The following RNF152 variants were observed in gnomAD, a reference collection of about 807,000 sequenced individuals.
The protein encoded by RNF152 is E3 ubiquitin-protein ligase RNF152.
In RNF152, 11 loss-of-function variants were observed where a neutral mutation model predicts 12.7. That is an observed-to-expected ratio of 0.86 (90% confidence interval 0.54 to 1.43). The LOEUF is 1.43. Ranked by LOEUF, RNF152 falls within the 40% of genes most tolerant of loss-of-function variation. The pLI is 0.00. For synonymous variants in RNF152, 113 were observed against 120.3 expected (o/e 0.94, Z 0.40); for missense variants, 255 against 274.8 (o/e 0.93, Z 0.51).
chr18:61,890,906 A>T (rs951302207), intron 1 of RNF152, among the ~76,000 whole-genome samples: 6 of 152,242 alleles, frequency 3.9e-5, no homozygotes, highest in South Asian at 4.1e-4. Flanking sequence ...TTTATGAAGC[A>T]GTGAGCTCCT....
At chr18:61,844,367 T>A (rs1037729292) in intron 1 of RNF152, among the ~76,000 whole-genome samples, 1 of 152,170 alleles carries the variant, frequency 6.6e-6, no homozygotes, top group African/African-American at 2.4e-5. Flanking sequence ...ATATCTTTTA[T>A]AAAATCTCAC....
At chr18:61,865,885 T>C (rs1321489574) in intron 1 of RNF152, among the ~76,000 whole-genome samples, 2 of 152,210 alleles carry the variant, frequency 1.3e-5, no homozygotes, top group Non-Finnish European at 2.9e-5. Context: ...GGAAGGCTAG[T>C]CAGCTGAGTG....
intron 1 of RNF152, among the ~76,000 whole-genome samples, chr18:61,860,941 T>TA (rs923833812): frequency 6.6e-6 from 1 of 152,120 alleles, no homozygotes; most frequent in African/African-American, 2.4e-5. Flanking sequence ...ATTTTACAAA[T>TA]AAAAAAAGCT....
At chr18:61,863,201 G>A (rs1346155236) in intron 1 of RNF152, among the ~76,000 whole-genome samples, 1 of 152,056 alleles carries the variant, frequency 6.6e-6, no homozygotes, top group East Asian at 1.9e-4. Flanking sequence ...TTGGAAGGCC[G>A]AGGCAGGTGG....
intron 1 of RNF152, among the ~76,000 whole-genome samples, chr18:61,832,803 C>T (rs1910009107): frequency 1.3e-5 from 2 of 152,134 alleles, no homozygotes; most frequent in Non-Finnish European, 2.9e-5. Flanking sequence ...TTAGGTCTTG[C>T]CAGATACAAA....
At chr18:61,849,983 T>C (rs1296528357) in intron 1 of RNF152, among the ~76,000 whole-genome samples, 1 of 152,248 alleles carries the variant, frequency 6.6e-6, no homozygotes, top group Non-Finnish European at 1.5e-5. Flanking sequence ...TGTCTAAATA[T>C]GGTTCCTCTT....
chr18:61,866,406 C>T (rs1271478284), intron 1 of RNF152, among the ~76,000 whole-genome samples: 2 of 152,270 alleles, frequency 1.3e-5, no homozygotes, highest in African/African-American at 4.8e-5. Context: ...AACACTACCC[C>T]AAGCTACAGA....
At chr18:61,848,104 T>G (rs1910816477) in intron 1 of RNF152, among the ~76,000 whole-genome samples, 1 of 152,094 alleles carries the variant, frequency 6.6e-6, no homozygotes, top group African/African-American at 2.4e-5. Flanking sequence ...GGGGCTGCAT[T>G]CCCAGCATCT....
chr18:61,879,634 G>T (rs972660672), intron 1 of RNF152, among the ~76,000 whole-genome samples: 3 of 152,152 alleles, frequency 2.0e-5, no homozygotes, highest in Admixed American at 2.0e-4. Flanking sequence ...TATGGGGTCA[G>T]GAAGAAACAG....
chr18:61,831,697 A>G (rs1229408591), intron 1 of RNF152, among the ~76,000 whole-genome samples: 1 of 152,088 alleles, frequency 6.6e-6, no homozygotes, highest in Non-Finnish European at 1.5e-5. Flanking sequence ...CAAACAAACA[A>G]ACAAAAACCA....
rs534630992 is a variant in RNF152 at position 61,852,410 on chromosome 18, A to G, written c.-135-35812T>C. ...ATCTGTGGTGCTGAACATACTCAAG[A>G]GTGTTGGGTAATAAATACTTTTGTA... is the stretch of plus-strand genomic sequence containing the variant. On this transcript the variant is annotated intron_variant, in intron 1 of 1. Transcript: ENST00000312828. 1.7e-3 allele frequency among the ~76,000 whole-genome samples: 252 copies of G among 152,282 alleles called. 1 individual carries two copies. Among genetic ancestry groups the G allele is most frequent in the African/African-American group, 5.9e-3 (247 of 41,552 alleles).
chr18:61,809,993 T>C lies in RNF152; in HGVS notation c.*5859A>G, dbSNP rs973596671. 2.0e-5 allele frequency: 3 copies of C among 152,062 alleles called. No individual in the cohort carries two copies. The highest frequency in any genetic ancestry group is 7.2e-5 in the African/African-American group (3 of 41,400). 9.4% of individuals were successfully genotyped at this position (152,062 alleles called of 1,614,324 possible). Reference sequence around the variant, plus strand: ...ACTTGAGCAGATCCAAAAAATAAGGTATTTGGAAGAAATTAAATGCCCCAC... The same window carrying C: ...ACTTGAGCAGATCCAAAAAATAAGGCATTTGGAAGAAATTAAATGCCCCAC... On this transcript the variant is annotated 3_prime_UTR_variant, in exon 2 of 2. Transcript: ENST00000312828.
At chr18:61,849,770 T>C (rs1910890402) in intron 1 of RNF152, among the ~76,000 whole-genome samples, 1 of 152,168 alleles carries the variant, frequency 6.6e-6, no homozygotes, top group Non-Finnish European at 1.5e-5. Context: ...TCTCACTATG[T>C]TGCCCAGGCT....
At chr18:61,829,597 G>GAGAGA (rs1909841652) in intron 1 of RNF152, among the ~76,000 whole-genome samples, 1 of 142,082 alleles carries the variant, frequency 7.0e-6, no homozygotes. Context: ...AGAGAGATAA[G>GAGAGA]GAGAGAGAGA....
At position 61,809,327 on chromosome 18, in the gene RNF152, T is replaced by A. The variant is rs968656993; in HGVS notation, c.*6525A>T. 1 of 152,152 alleles carries A rather than the reference T, an allele frequency of 6.6e-6. No homozygotes were observed. Among genetic ancestry groups the A allele is most frequent in the Non-Finnish European group, 1.5e-5 (1 of 68,036 alleles). 9.4% of individuals were successfully genotyped at this position (152,152 alleles called of 1,614,324 possible). A position where few individuals can be genotyped will look rare whatever the true frequency, so the allele number is the denominator to read the frequency against. ...GCACAGTGTAAGGTACCAGCTACTG[T>A]GTTCTCCCACTATTTAACAGAGGTA... is the stretch of plus-strand genomic sequence containing the variant. On this transcript the variant is annotated 3_prime_UTR_variant, in exon 2 of 2. Coordinates refer to ENST00000312828, the MANE Select transcript of RNF152 (RefSeq NM_173557.3).
chr18:61,865,740 C>T (rs1018373463), intron 1 of RNF152, among the ~76,000 whole-genome samples: 2 of 152,138 alleles, frequency 1.3e-5, no homozygotes, highest in African/African-American at 4.8e-5. Flanking sequence ...ACATAGAGCC[C>T]AATGGACTTC....
chr18:61,868,242 A>T (rs1911828627), intron 1 of RNF152, among the ~76,000 whole-genome samples: 2 of 152,226 alleles, frequency 1.3e-5, no homozygotes. Flanking sequence ...GTTTAAAAGC[A>T]TGTTAAAAAT....
At chr18:61,890,085 T>C (rs1912887082) in intron 1 of RNF152, among the ~76,000 whole-genome samples, 1 of 152,084 alleles carries the variant, frequency 6.6e-6, no homozygotes, top group Non-Finnish European at 1.5e-5. Flanking sequence ...CAGGTGGGGG[T>C]AGGACCATAT....
intron 1 of RNF152, among the ~76,000 whole-genome samples, chr18:61,845,083 T>C (rs8093878): frequency 0.34 from 52,433 of 152,030 alleles, 10,178 homozygotes; most frequent in Non-Finnish European, 0.44. Context: ...TGGTGGGTGG[T>C]GGGTTTTTTG....
Sources: gnomAD v4.1 joint callset for allele counts (sites outside exome capture counted in the v4.1 genomes callset) on GRCh38, gnomAD v4.1.1 for gene constraint, MANE v1.5 for transcripts, NCBI Gene and HGNC (gene_info 2026-07-23, HGNC 2026-07-21) for gene names.